USH2A: variants seen among roughly 807,000 people sequenced by gnomAD.
USH2A encodes Usher syndrome 2A (autosomal recessive, mild).
A neutral mutation model predicts 538.9 loss-of-function variants in USH2A; 443 were observed. The ratio of observed to expected loss-of-function variants is 0.82; its 90% CI spans 0.76 to 0.89. The LOEUF is 0.89. Ranked by LOEUF, USH2A falls within the 40% of genes least tolerant of loss-of-function variation. The pLI is 0.00. For synonymous variants in USH2A, 2,413 were observed against 2,273.5 expected (o/e 1.06, Z -1.75); for missense variants, 6,633 against 6,324.8 (o/e 1.05, Z -1.65).
chr1:216,415,824 C>CCT (rs1379118443), intron 3 of USH2A, among the ~76,000 whole-genome samples: 16 of 152,010 alleles, frequency 1.1e-4, no homozygotes. Context: ...CTGCGCCTGG[C>CCT]CTCCATTATT....
At chr1:215,779,751 A>T (rs541219825) in intron 55 of USH2A, 92 bp downstream of exon 55, 1 of 1,473,934 alleles carries the variant, frequency 6.8e-7, no homozygotes, top group African/African-American at 1.4e-5. Context: ...AAGTGACCTC[A>T]TATATCAAAC....
intron 11 of USH2A, among the ~76,000 whole-genome samples, chr1:216,273,240 G>A (rs902979719): frequency 1.3e-5 from 2 of 152,164 alleles, no homozygotes; most frequent in Middle Eastern, 6.8e-3. Context: ...ATGGGCGACT[G>A]AAAATAGAAG....
chr1:215,644,649 C>T (rs1487004711), intron 67 of USH2A, among the ~76,000 whole-genome samples: 1 of 152,098 alleles, frequency 6.6e-6, no homozygotes, highest in African/African-American at 2.4e-5. Context: ...AGTTCAGTTG[C>T]GTTGAATGCT....
chr1:216,324,434 CA>C (rs2037689016), intron 6 of USH2A, 82 bp from the exon 7 acceptor site: 3 of 1,278,574 alleles, frequency 2.3e-6, no homozygotes, highest in Admixed American at 2.2e-5. Context: ...TTATTAGATT[CA>C]AATATATTGG....
chr1:215,647,749 C>T lies in USH2A; in HGVS notation c.14583-19G>A, dbSNP rs55647345. The T allele has an allele frequency of 9.7e-4, 1,563 of 1,613,026 alleles. 7 individuals carry two copies. The highest frequency in any genetic ancestry group is 1.2e-3 in the Non-Finnish European group (1,469 of 1,179,258). ...TTCATAGCTAAAATGAGAATGGATA[C>T]GTAGAGTCAAGACGGGTAATGGAAT... is the stretch of plus-strand genomic sequence containing the variant. On this transcript the variant is annotated intron_variant, in intron 66 of 71. Coordinates refer to ENST00000307340, the MANE Select transcript of USH2A (RefSeq NM_206933.4).
chr1:215,682,952 G>A (rs1404229433), intron 61 of USH2A, among the ~76,000 whole-genome samples: 4 of 152,002 alleles, frequency 2.6e-5, no homozygotes, highest in East Asian at 1.9e-4. Flanking sequence ...TTGAACTCCT[G>A]GGCTCAAGTG....
intron 64 of USH2A, among the ~76,000 whole-genome samples, chr1:215,668,282 A>T (rs1657695044): frequency 6.6e-6 from 1 of 152,246 alleles, no homozygotes; most frequent in African/African-American, 2.4e-5. Context: ...TTTAGTATAT[A>T]ACTTCCTAAA....
intron 43 of USH2A, among the ~76,000 whole-genome samples, chr1:215,876,920 G>A (rs721098): frequency 0.19 from 28,761 of 152,080 alleles, 2,853 homozygotes; most frequent in East Asian, 0.33. Flanking sequence ...TGGTAAACAG[G>A]GTTCAGACTA....
chr1:215,851,418 C>T (rs1664012000), intron 44 of USH2A, among the ~76,000 whole-genome samples: 1 of 152,078 alleles, frequency 6.6e-6, no homozygotes, highest in Admixed American at 6.6e-5. Flanking sequence ...CTACTGTGAA[C>T]ACCTTTATGC....
chr1:216,243,962 A>C (rs1012858019), intron 13 of USH2A, among the ~76,000 whole-genome samples: 1 of 152,200 alleles, frequency 6.6e-6, no homozygotes, highest in African/African-American at 2.4e-5. Context: ...AGGTCATATA[A>C]TAAATTGAAC....
intron 6 of USH2A, 90 bp downstream of exon 6, chr1:216,325,213 AAT>A: frequency 7.4e-7 from 1 of 1,351,684 alleles, no homozygotes; most frequent in South Asian, 1.2e-5. Context: ...ACTGTTAGGG[AAT>A]ATATTTCTGT....
At chr1:216,420,159 AGAGTT>A (rs2039652004) in intron 2 of USH2A, among the ~76,000 whole-genome samples, 2 of 151,980 alleles carry the variant, frequency 1.3e-5, no homozygotes, top group Admixed American at 1.3e-4. Context: ...TAACCTGAAA[AGAGTT>A]TGCCCCTATT....
intron 30 of USH2A, among the ~76,000 whole-genome samples, chr1:216,065,005 G>A (rs1348920334): frequency 6.6e-6 from 1 of 152,170 alleles, no homozygotes; most frequent in Non-Finnish European, 1.5e-5. Context: ...AAATCTCAGA[G>A]AAATTGACAA....
intron 50 of USH2A, among the ~76,000 whole-genome samples, chr1:215,797,935 C>T (rs987883517): frequency 6.6e-5 from 10 of 151,904 alleles, no homozygotes; most frequent in African/African-American, 2.2e-4. Context: ...AAATTGAAAA[C>T]CTGGAAAGGA....
chr1:215,639,207 G>C lies in USH2A; in HGVS notation c.15000C>G (p.Asp5000Glu). Residue 5000 changes from aspartate (D) to glutamate (E), a missense_variant, in exon 69 of 72, where the codon GAC becomes GAG. Transcript: ENST00000307340. ...TCAACGGCGTCTTAACACTTCCTTC[G>C]TCAGTCGTGCAGATGACCTGGAAAA... is the stretch of plus-strand genomic sequence containing the variant. ...TFFFQVICTT[D>E]EGSVKTPLIQ... 6.2e-7 allele frequency: 1 copy of C among 1,614,046 alleles called. No homozygotes were observed. Among genetic ancestry groups the C allele is most frequent in the Non-Finnish European group, 8.5e-7 (1 of 1,180,006 alleles).
intron 10 of USH2A, 90 bp downstream of exon 10, chr1:216,292,085 A>C (rs866479227): frequency 1.4e-6 from 2 of 1,398,414 alleles, no homozygotes; most frequent in African/African-American, 1.4e-5. Flanking sequence ...TCCTTAAATA[A>C]GATAGCAATA....
intron 58 of USH2A, among the ~76,000 whole-genome samples, chr1:215,754,790 C>CTTTAGACATTCAA (rs1456723770): frequency 2.0e-4 from 31 of 152,280 alleles, no homozygotes; most frequent in African/African-American, 6.0e-4. Flanking sequence ...GAGAAACTGG[C>CTTTAGACATTCAA]GGACTCATGT....
At chr1:216,141,334 C>T (rs964008863) in intron 21 of USH2A, among the ~76,000 whole-genome samples, 37 of 152,344 alleles carry the variant, frequency 2.4e-4, no homozygotes, top group African/African-American at 8.4e-4. Flanking sequence ...AGTCTGCCTG[C>T]CAGGTGCTGT....
At chr1:215,953,020 C>A (rs1175566939) in intron 37 of USH2A, among the ~76,000 whole-genome samples, 1 of 152,040 alleles carries the variant, frequency 6.6e-6, no homozygotes, top group Non-Finnish European at 1.5e-5. Flanking sequence ...ACGTGAAGGA[C>A]CTCTTCAAGG....
Sources: allele counts gnomAD v4.1 joint callset (sites outside exome capture counted in the v4.1 genomes callset), GRCh38; gene constraint gnomAD v4.1.1; transcripts MANE v1.5; gene names NCBI Gene and HGNC (gene_info 2026-07-23, HGNC 2026-07-21).